The following SPARCL1 variants were observed in gnomAD, a reference collection of about 807,000 sequenced individuals.
SPARCL1 encodes SPARC like 1, also known as SPARC-like protein 1.
SPARCL1 carries 52 observed loss-of-function variants against 67.1 expected under a neutral mutation model. The ratio of observed to expected loss-of-function variants is 0.78; its 90% CI spans 0.62 to 0.98. The LOEUF (loss-of-function observed/expected upper bound fraction) is 0.98. Among genes scored for constraint, SPARCL1 ranks in the 50% least tolerant of loss-of-function variants. SPARCL1 has a pLI of 0.00. For missense variants in SPARCL1, 717 were observed against 782.4 expected (o/e 0.92, Z 1.00); for synonymous variants, 226 against 267.8 (o/e 0.84, Z 1.52).
At chr4:87,509,608 T>C (rs1453627252) in intron 1 of SPARCL1, among the ~76,000 whole-genome samples, 1 of 152,176 alleles carries the variant, frequency 6.6e-6, no homozygotes, top group Non-Finnish European at 1.5e-5. Context: ...ATCGAGTCTC[T>C]AGGATGTTAA....
intron 1 of SPARCL1, chr4:87,528,498 G>A (rs971488747): frequency 7.2e-5 from 11 of 152,132 alleles, no homozygotes; most frequent in East Asian, 5.8e-4. Flanking sequence ...GAAAATAATC[G>A]CAATAACTTA....
intron 9 of SPARCL1, 47 bp downstream of exon 9, chr4:87,480,325 T>G: frequency 6.7e-7 from 1 of 1,494,628 alleles, no homozygotes; most frequent in Non-Finnish European, 9.0e-7. Flanking sequence ...ATGTAGATAT[T>G]TTATCAGAGA....
chr4:87,491,946 C>G (rs1453318608), intron 4 of SPARCL1, among the ~76,000 whole-genome samples: 3 of 40,566 alleles, frequency 7.4e-5, no homozygotes, highest in South Asian at 1.2e-3. Context: ...CTCTACCCAC[C>G]CCCCCCCCCA....
chr4:87,510,557 G>A (rs1725304815), intron 1 of SPARCL1, among the ~76,000 whole-genome samples: 1 of 152,156 alleles, frequency 6.6e-6, no homozygotes, highest in South Asian at 2.1e-4. Context: ...TAGGAGAGAG[G>A]TGGCTTGACT....
chr4:87,504,718 A>G (rs999519321), intron 1 of SPARCL1: 2 of 152,224 alleles, frequency 1.3e-5, no homozygotes, highest in Non-Finnish European at 2.9e-5. Flanking sequence ...AAAAATCCCA[A>G]AACAAACAAA....
At chr4:87,488,834 G>C (rs1003065379) in intron 7 of SPARCL1, among the ~76,000 whole-genome samples, 2 of 152,174 alleles carry the variant, frequency 1.3e-5, no homozygotes, top group Non-Finnish European at 2.9e-5. Flanking sequence ...TGGCTTTCTG[G>C]TGCTGCCGTG....
In SPARCL1 at chr4:87,494,615, G is replaced by A; in HGVS notation, c.202-17C>T. 6.5e-7 allele frequency: 1 copy of A among 1,545,610 alleles called. No homozygotes were observed. Among genetic ancestry groups the A allele is most frequent in the Non-Finnish European group, 8.7e-7 (1 of 1,151,688 alleles). Reference sequence around the variant, plus strand: ...TTTTTCAGCCTTAAAAGAAAAAAAAGTTCATTCTTCAAACAAATGATAATG... The same window carrying A: ...TTTTTCAGCCTTAAAAGAAAAAAAAATTCATTCTTCAAACAAATGATAATG... On this transcript the variant is annotated splice_polypyrimidine_tract_variant and intron_variant, in intron 3 of 10. Transcript: ENST00000282470.
At chr4:87,520,280 G>A (rs1472283607) in intron 1 of SPARCL1, among the ~76,000 whole-genome samples, 3 of 145,704 alleles carry the variant, frequency 2.1e-5, no homozygotes, top group African/African-American at 2.5e-5. Context: ...GTTGGGAACA[G>A]ATTATGGGAG....
rs546483213 is a variant in SPARCL1, at chr4:87,492,240, A to G, written c.1219-550T>C. Among the ~76,000 whole-genome samples the G allele has an allele frequency of 3.3e-5, 5 of 152,226 alleles. No homozygotes were observed. In the South Asian group the frequency reaches 6.2e-4, roughly 19 times the overall value. On this transcript the variant is annotated intron_variant, in intron 4 of 10. Coordinates refer to ENST00000282470, the MANE Select transcript of SPARCL1 (RefSeq NM_004684.6). ...CGAGACCAGCCTGACCAACAAGGTGAAACCCTGTCTCTACTAAAAATACAA... is the reference window on the plus strand; with the variant it reads ...CGAGACCAGCCTGACCAACAAGGTGGAACCCTGTCTCTACTAAAAATACAA...
At position 87,529,168 on chromosome 4, in the gene SPARCL1, G is replaced by C. The variant is rs1009045683; in HGVS notation, c.-135C>G. ...AAAAACTCTTTAAATCCCTTTCCTCGTTAGCTCTGCTTCTTTGCCCAGAGG... is the reference window on the plus strand; with the variant it reads ...AAAAACTCTTTAAATCCCTTTCCTCCTTAGCTCTGCTTCTTTGCCCAGAGG... On this transcript the variant is annotated 5_prime_UTR_variant, in exon 1 of 11. Transcript: ENST00000282470. 1.3e-5 allele frequency: 2 copies of C among 152,156 alleles called. No homozygotes were observed. The highest frequency in any genetic ancestry group is 2.1e-4 in the South Asian group (1 of 4,820). The allele number at this position is 152,156 out of a possible 1,614,324, so 9.4% of individuals were successfully genotyped here.
intron 8 of SPARCL1, among the ~76,000 whole-genome samples, chr4:87,480,736 T>C (rs1488442052): frequency 6.6e-6 from 1 of 152,150 alleles, no homozygotes; most frequent in Non-Finnish European, 1.5e-5. Flanking sequence ...CTCTGGTTTT[T>C]AGAAGAAATT....
intron 1 of SPARCL1, among the ~76,000 whole-genome samples, chr4:87,521,685 T>C (rs1725824703): frequency 6.6e-6 from 1 of 152,226 alleles, no homozygotes; most frequent in Non-Finnish European, 1.5e-5. Flanking sequence ...TGTTTATCAC[T>C]TTGTCTAAAG....
At chr4:87,524,364 CT>C (rs563401175) in intron 1 of SPARCL1, among the ~76,000 whole-genome samples, 21 of 152,198 alleles carry the variant, frequency 1.4e-4, no homozygotes, top group Non-Finnish European at 2.8e-4. Context: ...TTAGATCAAA[CT>C]GAAACTTACC....
At position 87,494,108 on chromosome 4, in the gene SPARCL1, C is replaced by A; in HGVS notation, c.692G>T (p.Ser231Ile). ...TTGGGTATTGTCTTCCTCCTGCTTG[C>A]TGTTAGCATGCTCCCTGGGCAATTC... is the stretch of plus-strand genomic sequence containing the variant. Reference protein sequence around the residue: ...KTELPREHANSKQEEDNTQSD... With the variant: ...KTELPREHANIKQEEDNTQSD... Residue 231 changes from serine to isoleucine, a missense_variant, in exon 4 of 11, where the codon AGC becomes ATC. Coordinates refer to ENST00000282470, the MANE Select transcript of SPARCL1 (RefSeq NM_004684.6). The A allele has an allele frequency of 6.2e-7, 1 of 1,613,806 alleles. No individual in the cohort carries two copies. Among genetic ancestry groups the A allele is most frequent in the Non-Finnish European group, 8.5e-7 (1 of 1,180,024 alleles).
intron 1 of SPARCL1, among the ~76,000 whole-genome samples, chr4:87,511,986 A>G (rs376543026): frequency 2.9e-5 from 1 of 34,186 alleles, no homozygotes; most frequent in African/African-American, 1.6e-4. Context: ...TTTTTTTGAG[A>G]CAGAGTCTCA....
intron 10 of SPARCL1, among the ~76,000 whole-genome samples, chr4:87,475,616 G>A (rs1294327083): frequency 1.3e-5 from 2 of 152,088 alleles, no homozygotes; most frequent in African/African-American, 2.4e-5. Flanking sequence ...ATATATAAGC[G>A]GCCAACAAAT....
At chr4:87,500,232 A>G (rs535539954) in intron 1 of SPARCL1, among the ~76,000 whole-genome samples, 1 of 152,344 alleles carries the variant, frequency 6.6e-6, no homozygotes, top group South Asian at 2.1e-4. Flanking sequence ...AGTTGGCTGC[A>G]TCTGAGTTGA....
In SPARCL1 at chr4:87,501,868, G is replaced by C. The variant is rs748136482; in HGVS notation, c.-11-2283C>G. Among the ~76,000 whole-genome samples, 19 of 151,450 alleles carry C rather than the reference G, an allele frequency of 1.3e-4. 1 individual carries two copies. Among genetic ancestry groups the C allele is most frequent in the Non-Finnish European group, 2.7e-4 (18 of 67,862 alleles). ...TATTAGTTAAATATCAGAATTCTGGGGTTGATTCTCCGATTTGCTAATCAT... is the reference window on the plus strand; with the variant it reads ...TATTAGTTAAATATCAGAATTCTGGCGTTGATTCTCCGATTTGCTAATCAT... On this transcript the variant is annotated intron_variant, in intron 1 of 10. Transcript: ENST00000282470.
At chr4:87,507,941 CA>C (rs1725170742) in intron 1 of SPARCL1, among the ~76,000 whole-genome samples, 1 of 152,174 alleles carries the variant, frequency 6.6e-6, no homozygotes, top group African/African-American at 2.4e-5. Flanking sequence ...CAAAAAGATA[CA>C]AGTGAAGAGA....
Sources: gnomAD v4.1 joint callset for allele counts (sites outside exome capture counted in the v4.1 genomes callset) on GRCh38, gnomAD v4.1.1 for gene constraint, MANE v1.5 for transcripts, NCBI Gene and HGNC (gene_info 2026-07-23, HGNC 2026-07-21) for gene names.